INPP4B: variants seen among roughly 807,000 people sequenced by gnomAD.
The protein encoded by INPP4B is inositol polyphosphate 4-phosphatase type II.
A neutral mutation model predicts 122.5 loss-of-function variants in INPP4B; 55 were observed. The ratio of observed to expected loss-of-function variants is 0.45; its 90% CI spans 0.36 to 0.56. INPP4B has a LOEUF of 0.56. INPP4B is among the 20% of genes least tolerant of loss of function. The pLI is 0.00. For missense variants in INPP4B, 1,000 were observed against 1,097.7 expected, an observed-to-expected ratio of 0.91 and a Z score of 1.26; for synonymous variants, 403 against 388.7, an observed-to-expected ratio of 1.04 and a Z score of -0.43.
intron 12 of INPP4B, among the ~76,000 whole-genome samples, chr4:142,227,434 TATAA>T (rs1852033480): frequency 6.6e-6 from 1 of 152,072 alleles, no homozygotes; most frequent in Admixed American, 6.6e-5. Flanking sequence ...CTTCTGACAG[TATAA>T]ATAACAAAAA....
intron 11 of INPP4B, among the ~76,000 whole-genome samples, chr4:142,242,778 C>T (rs970144249): frequency 1.3e-5 from 2 of 152,184 alleles, no homozygotes; most frequent in African/African-American, 4.8e-5. Flanking sequence ...AGATGTCTCT[C>T]CTTTTTACAT....
intron 2 of INPP4B, among the ~76,000 whole-genome samples, chr4:142,569,948 T>C (rs1732463847): frequency 6.6e-6 from 1 of 152,118 alleles, no homozygotes; most frequent in Admixed American, 6.6e-5. Flanking sequence ...ATTATTTTTC[T>C]TCCATTCCTC....
At chr4:142,557,288 A>C (rs1729420417) in intron 2 of INPP4B, among the ~76,000 whole-genome samples, 1 of 152,238 alleles carries the variant, frequency 6.6e-6, no homozygotes, top group African/African-American at 2.4e-5. Context: ...GTTAAGAGCA[A>C]CATGAATAAG....
At position 142,358,599 on chromosome 4, in the gene INPP4B, G is replaced by A. The variant is rs927630063; in HGVS notation, c.373-43837C>T. The stretch of plus-strand genomic sequence containing the variant: ...ACTGCTACGCCTAGGCTATACCCCG[G>A]AATGATTAAATTAGAATATCTGACA... On this transcript the variant is annotated intron_variant, in intron 7 of 25. Coordinates refer to ENST00000262992, the MANE Select transcript of INPP4B (RefSeq NM_001101669.3). 5.1e-4 allele frequency among the ~76,000 whole-genome samples: 72 copies of A among 140,082 alleles called. 1 individual carries two copies. The highest frequency in any genetic ancestry group is 3.0e-5 in the Non-Finnish European group (2 of 66,226). The allele number at this position is 140,082 out of a possible 152,430, so 91.9% of individuals were successfully genotyped here. A position where few individuals can be genotyped will look rare whatever the true frequency, so the allele number is the denominator to read the frequency against.
intron 11 of INPP4B, among the ~76,000 whole-genome samples, chr4:142,243,573 G>A (rs1410340050): frequency 6.6e-6 from 1 of 152,118 alleles, no homozygotes; most frequent in East Asian, 1.9e-4. Flanking sequence ...AAACACTGAG[G>A]CAACATCCAT....
chr4:142,191,912 T>C lies in INPP4B; in HGVS notation c.1181+1175A>G, dbSNP rs76001433. The stretch of plus-strand genomic sequence containing the variant: ...AAGAAAAATATATGTGTATTGGTAG[T>C]TTATATATTTGTATAATAGTAAGTC... On this transcript the variant is annotated intron_variant, in intron 15 of 25. Transcript: ENST00000262992. Among the ~76,000 whole-genome samples the C allele has an allele frequency of 5.1e-3, 779 of 152,242 alleles. 10 individuals are homozygous for C. Among genetic ancestry groups the C allele is most frequent in the African/African-American group, 0.018 (741 of 41,558 alleles).
chr4:142,728,944 C>G (rs1054018189), intron 1 of INPP4B, among the ~76,000 whole-genome samples: 1 of 69,730 alleles, frequency 1.4e-5, no homozygotes, highest in Non-Finnish European at 3.0e-5. Context: ...TAACTTAGAA[C>G]TTATTAAAAA....
intron 2 of INPP4B, among the ~76,000 whole-genome samples, chr4:142,657,785 A>G (rs114730759): frequency 0.011 from 1,751 of 152,332 alleles, 30 homozygotes; most frequent in African/African-American, 0.032. Flanking sequence ...TTTTGGAAAA[A>G]TAAATGACAT....
intron 25 of INPP4B, among the ~76,000 whole-genome samples, chr4:142,035,566 G>A (rs1743345258): frequency 6.6e-6 from 1 of 152,170 alleles, no homozygotes. Context: ...GGAGGTGGGT[G>A]GAGGAGCAGA....
At chr4:142,537,429 T>TATAGAGAGAGAGAGAG (rs1200701380) in intron 2 of INPP4B, among the ~76,000 whole-genome samples, 2 of 25,486 alleles carry the variant, frequency 7.8e-5, no homozygotes, top group Non-Finnish European at 1.8e-4. Flanking sequence ...TATATATATA[T>TATAGAGAGAGAGAGAG]AGAGAGAGAG....
At chr4:142,041,343 T>A (rs1747336384) in intron 25 of INPP4B, among the ~76,000 whole-genome samples, 1 of 151,894 alleles carries the variant, frequency 6.6e-6, no homozygotes, top group African/African-American at 2.4e-5. Context: ...TTTTGCCAGG[T>A]ACGGTGGCTT....
chr4:142,752,669 C>T (rs1388843508), intron 1 of INPP4B, among the ~76,000 whole-genome samples: 1 of 152,070 alleles, frequency 6.6e-6, no homozygotes, highest in Non-Finnish European at 1.5e-5. Context: ...GTACAGGAAT[C>T]TTACAGATCC....
chr4:142,559,227 TA>T (rs1411735497), intron 2 of INPP4B, among the ~76,000 whole-genome samples: 1 of 152,168 alleles, frequency 6.6e-6, no homozygotes, highest in Non-Finnish European at 1.5e-5. Context: ...TATGGACTAA[TA>T]GGGTCATAAA....
At chr4:142,782,131 C>A (rs568048271) in intron 1 of INPP4B, among the ~76,000 whole-genome samples, 88 of 152,084 alleles carry the variant, frequency 5.8e-4, no homozygotes, top group Non-Finnish European at 1.0e-3. Flanking sequence ...ATCCCTCCCC[C>A]CTTCCCACAC....
intron 2 of INPP4B, among the ~76,000 whole-genome samples, chr4:142,564,534 T>G (rs1731221571): frequency 6.7e-6 from 1 of 148,982 alleles, no homozygotes; most frequent in Admixed American, 6.7e-5. Context: ...GAGGCTCCCA[T>G]AAATATCTTG....
chr4:142,463,508 G>T (rs561400095), intron 2 of INPP4B, among the ~76,000 whole-genome samples: 2 of 152,242 alleles, frequency 1.3e-5, no homozygotes, highest in African/African-American at 4.8e-5. Flanking sequence ...CTTTCTCTTT[G>T]CTGTTCTTAA....
At position 142,212,281 on chromosome 4, in the gene INPP4B, A is replaced by G. The variant is rs560297888; in HGVS notation, c.837-3255T>C. 3.9e-5 allele frequency among the ~76,000 whole-genome samples: 6 copies of G among 152,268 alleles called. No homozygotes were observed. The East Asian group carries it at 1.2e-3, about 29-fold the overall frequency. On this transcript the variant is annotated intron_variant, in intron 12 of 25. Coordinates refer to ENST00000262992, the MANE Select transcript of INPP4B (RefSeq NM_001101669.3). ...AAAGAGCAGTAATAAATCCAGCCACAATATGCAATCCTCCAACTAGTCCCT... is the reference window on the plus strand; with the variant it reads ...AAAGAGCAGTAATAAATCCAGCCACGATATGCAATCCTCCAACTAGTCCCT...
At chr4:142,460,649 C>G (rs968634029) in intron 3 of INPP4B, among the ~76,000 whole-genome samples, 1 of 152,026 alleles carries the variant, frequency 6.6e-6, no homozygotes, top group Non-Finnish European at 1.5e-5. Context: ...TCTTGTCTTT[C>G]TGGTATGAAA....
chr4:142,206,874 A>G (rs1842800035), intron 14 of INPP4B, among the ~76,000 whole-genome samples: 1 of 152,104 alleles, frequency 6.6e-6, no homozygotes, highest in South Asian at 2.1e-4. Flanking sequence ...TGAACTATAG[A>G]CACTACACTG....
Sources: gnomAD v4.1 joint callset for allele counts (sites outside exome capture counted in the v4.1 genomes callset) on GRCh38, gnomAD v4.1.1 for gene constraint, MANE v1.5 for transcripts, NCBI Gene and HGNC (gene_info 2026-07-23, HGNC 2026-07-21) for gene names.